Variants in CUL9 observed in about 807,000 individuals in gnomAD.
The protein encoded by CUL9 is cullin-9.
Under a neutral mutation model 272.6 loss-of-function variants are expected in CUL9, and 79 were observed. The observed-to-expected ratio is 0.29, with a 90% confidence interval of 0.24 to 0.35. The LOEUF is 0.35. CUL9 is among the 10% of genes least tolerant of loss of function. The pLI, the probability that CUL9 is intolerant of heterozygous loss-of-function variation, is 1.00. For missense variants in CUL9, 2,532 were observed against 3,255.6 expected (o/e 0.78, Z 5.41); for synonymous variants, 1,186 against 1,286.5 (o/e 0.92, Z 1.67).
rs765439297 is a variant in CUL9, at chr6:43,213,440, G to A, written c.5361G>A (p.Glu1787=). The A allele has an allele frequency of 2.2e-5, 36 of 1,614,014 alleles. No individual in the cohort carries two copies. The Admixed American group carries it at 4.5e-4, about 20-fold the overall frequency. Residue 1787 remains glutamate (E), a splice_region_variant and synonymous_variant, in exon 28 of 41, where the codon GAG becomes GAA. Transcript: ENST00000252050. The surrounding 1 kb of genome is among the most constrained non-coding windows in gnomAD (Gnocchi z 5.7). ...GACTGGGCGTTTCTGCTCATCAGGA[G>A]GTGTCAGTAGAGACCTTGCTGAAGG... ...WLLLKFNQTE[E]VSVETLLKDS...
intron 30 of CUL9, among the ~76,000 whole-genome samples, chr6:43,215,740 A>G (rs1239986065): frequency 3.9e-5 from 6 of 152,170 alleles, no homozygotes; most frequent in Admixed American, 3.9e-4. Flanking sequence ...AAACCTCAAC[A>G]TGGCGCCAGT....
Position 43,199,151 on chromosome 6 carries a change from G to A in CUL9, c.3051-115G>A. On this transcript the variant is annotated intron_variant, in intron 12 of 40. Coordinates refer to ENST00000252050, the MANE Select transcript of CUL9 (RefSeq NM_015089.4). This position sits in a 1 kb window ranked among gnomAD's most constrained non-coding sequence, Gnocchi z 4.4. Reference sequence around the variant, plus strand: ...GGGTTTCTCCATTTTGGTCAGGCTGGTCTCGAACTCCCGACCTCAGGTGAT... The same window carrying A: ...GGGTTTCTCCATTTTGGTCAGGCTGATCTCGAACTCCCGACCTCAGGTGAT... The A allele has an allele frequency of 3.4e-6, 3 of 894,492 alleles. No individual in the cohort carries two copies. The highest frequency in any genetic ancestry group is 2.9e-5 in the South Asian group (2 of 68,262). The allele number at this position is 894,492 out of a possible 1,614,324, so 55.4% of individuals were successfully genotyped here.
Position 43,206,372 on chromosome 6 carries a change from A to G in CUL9, c.5074A>G (p.Ser1692Gly), listed in dbSNP as rs777829941. The G allele has an allele frequency of 6.2e-7, 1 of 1,614,232 alleles. No homozygotes were observed. The highest frequency in any genetic ancestry group is 8.5e-7 in the Non-Finnish European group (1 of 1,180,036). Residue 1692 changes from serine (S) to glycine (G), a missense_variant, in exon 26 of 41, where the codon AGT becomes GGT. Ser to Gly is a moderately conservative substitution (Grantham distance 56). This residue lies in a region of CUL9 where 2,218 missense variants were observed against 2,788.6 expected (regional missense o/e 0.80). Coordinates refer to ENST00000252050, the MANE Select transcript of CUL9 (RefSeq NM_015089.4). This position sits in a 1 kb window ranked among gnomAD's most constrained non-coding sequence, Gnocchi z 4.8. ...AEKELFIEDP[S>G]PAISILVLSP... is the part of the protein sequence containing the mutation. ...GAAAGAATTATTTATCGAAGATCCA[A>G]GTCCAGCCATTTCTATACTGGTCCT... is the stretch of plus-strand genomic sequence containing the variant.
chr6:43,186,181 A>G lies in CUL9; in HGVS notation c.977A>G (p.Gln326Arg). 1.2e-6 allele frequency: 2 copies of G among 1,614,216 alleles called. No homozygotes were observed. Among genetic ancestry groups the G allele is most frequent in the Non-Finnish European group, 1.7e-6 (2 of 1,180,036 alleles). Residue 326 changes from glutamine (Q) to arginine (R), a missense_variant, in exon 4 of 41, where the codon CAG (glutamine) becomes CGG (arginine). By Grantham distance (43) the Gln-to-Arg change is conservative. Coordinates refer to ENST00000252050, the MANE Select transcript of CUL9 (RefSeq NM_015089.4). Reference protein sequence around the residue: ...SMGWARNLSEQGMSPPRPTRS... With the variant: ...SMGWARNLSERGMSPPRPTRS... ...GGCTGGGCCCGGAACCTCAGCGAACAGGGCATGTCACCTCCCCGGCCAACC... is the reference window on the plus strand; with the variant it reads ...GGCTGGGCCCGGAACCTCAGCGAACGGGGCATGTCACCTCCCCGGCCAACC...
intron 30 of CUL9, 137 bp downstream of exon 30, chr6:43,215,463 G>A: frequency 7.5e-7 from 1 of 1,328,866 alleles, no homozygotes; most frequent in Non-Finnish European, 1.0e-6. Flanking sequence ...CCCTGACTTT[G>A]GTAGTTTTTA....
In CUL9 at chr6:43,224,370, T is replaced by C. The variant is rs1200098067; in HGVS notation, c.7479T>C (p.Asp2493=). 24 of 1,614,080 alleles carry C rather than the reference T, an allele frequency of 1.5e-5. No homozygotes were observed. Among genetic ancestry groups the C allele is most frequent in the Non-Finnish European group, 1.9e-5 (22 of 1,180,040 alleles). ...EELDNDSFSY[D]ESENLDQETF... is the part of the protein sequence containing the mutation. ...TGGACAATGACAGCTTCTCCTACGATGAGTCTGAGAACCTGGACCAAGAGA... is the reference window on the plus strand; with the variant it reads ...TGGACAATGACAGCTTCTCCTACGACGAGTCTGAGAACCTGGACCAAGAGA... Residue 2493 remains aspartate, a synonymous_variant, in exon 41 of 41, where the codon GAT becomes GAC. Coordinates refer to ENST00000252050, the MANE Select transcript of CUL9 (RefSeq NM_015089.4). This position sits in a 1 kb window ranked among gnomAD's most constrained non-coding sequence, Gnocchi z 4.2.
In CUL9 at chr6:43,199,170, A is replaced by T. The variant is rs923192489; in HGVS notation, c.3051-96A>T. 7 of 1,022,650 alleles carry T rather than the reference A, an allele frequency of 6.8e-6. No individual in the cohort carries two copies. The highest frequency in any genetic ancestry group is 3.2e-5 in the African/African-American group (2 of 63,462). The allele number at this position is 1,022,650 out of a possible 1,614,324, so 63.3% of individuals were successfully genotyped here. A position where few individuals can be genotyped will look rare whatever the true frequency, so the allele number is the denominator to read the frequency against. ...AGGCTGGTCTCGAACTCCCGACCTC[A>T]GGTGATCCGCCCACTTCGGCCTCCC... is the stretch of plus-strand genomic sequence containing the variant. On this transcript the variant is annotated intron_variant, in intron 12 of 40. Coordinates refer to ENST00000252050, the MANE Select transcript of CUL9 (RefSeq NM_015089.4). This position sits in a 1 kb window ranked among gnomAD's most constrained non-coding sequence, Gnocchi z 4.4.
At chr6:43,197,245 C>T (rs915035339) in intron 11 of CUL9, among the ~76,000 whole-genome samples, 1 of 152,038 alleles carries the variant, frequency 6.6e-6, no homozygotes, top group South Asian at 2.1e-4. Context: ...CAGGGTTTCA[C>T]CATGTTGGCC....
chr6:43,214,163 T>C (rs1775746139), intron 29 of CUL9, among the ~76,000 whole-genome samples: 2 of 152,252 alleles, frequency 1.3e-5, no homozygotes, highest in Admixed American at 1.3e-4. Flanking sequence ...CTCATATCTG[T>C]GATCCTAGCA....
At chr6:43,192,770 A>C (rs551019469) in intron 8 of CUL9, among the ~76,000 whole-genome samples, 1 of 152,234 alleles carries the variant, frequency 6.6e-6, no homozygotes, top group African/African-American at 2.4e-5. Context: ...CAGAGTTTAT[A>C]AACATTTTTT....
At chr6:43,183,877 T>C (rs1048375306) in intron 1 of CUL9, among the ~76,000 whole-genome samples, 3 of 152,064 alleles carry the variant, frequency 2.0e-5, no homozygotes, top group East Asian at 1.9e-4. Flanking sequence ...CTCAGCCTCC[T>C]GAGTAGCTGG....
chr6:43,184,709 T>C lies in CUL9; in HGVS notation c.399T>C (p.Ser133=), dbSNP rs1772752992. The C allele has an allele frequency of 6.2e-7, 1 of 1,613,926 alleles. No individual in the cohort carries two copies. Among genetic ancestry groups the C allele is most frequent in the South Asian group, 1.1e-5 (1 of 91,084 alleles). Residue 133 remains serine, a synonymous_variant, in exon 2 of 41, where the codon AGT becomes AGC. Coordinates refer to ENST00000252050, the MANE Select transcript of CUL9 (RefSeq NM_015089.4). This position sits in a 1 kb window ranked among gnomAD's most constrained non-coding sequence, Gnocchi z 4.8. The part of the protein sequence containing the change: ...VRRAARQLAE[S]GTPSLTAAVL... ...GGGCGGCCAGGCAGCTGGCAGAAAG[T>C]GGGACCCCAAGCCTCACGGCCGCTG...
chr6:43,184,857 C>T lies in CUL9; in HGVS notation c.547C>T (p.Arg183Cys), dbSNP rs975340330. 20 of 1,604,896 alleles carry T rather than the reference C, an allele frequency of 1.2e-5. No homozygotes were observed. Among genetic ancestry groups the T allele is most frequent in the African/African-American group, 2.7e-5 (2 of 74,868 alleles). The change falls in exon 2 of 41, where the codon CGC (arginine) becomes TGC (cysteine). Residue 183 changes from arginine to cysteine, a missense_variant. Around this residue, in one of 3 missense-constraint regions of CUL9, gnomAD observed 2,218 missense variants for 2,788.6 expected, o/e 0.80. Transcript: ENST00000252050. This position sits in a 1 kb window ranked among gnomAD's most constrained non-coding sequence, Gnocchi z 4.8. ...GTTATGCAATCCTGAGCCTCAGATC[C>T]GCCGGAGTGCAGGCAAAATGCTGCA... ...HMLCNPEPQI[R>C]RSAGKMLQAL...
Position 43,223,093 on chromosome 6 carries a change from T to G in CUL9, c.7151-171T>G. 1 of 1,025,934 alleles carries G rather than the reference T, an allele frequency of 9.7e-7. No individual in the cohort carries two copies. Among genetic ancestry groups the G allele is most frequent in the Non-Finnish European group, 1.4e-6 (1 of 710,886 alleles). 63.6% of individuals were successfully genotyped at this position (1,025,934 alleles called of 1,614,324 possible). ...ATTGTAAGGTGCCCAAGGGCGCAGA[T>G]GTTCGTGGATGTTTCTTGGTTTCTG... On this transcript the variant is annotated intron_variant, in intron 38 of 40. Coordinates refer to ENST00000252050, the MANE Select transcript of CUL9 (RefSeq NM_015089.4). This position sits in a 1 kb window ranked among gnomAD's most constrained non-coding sequence, Gnocchi z 4.1.
In CUL9 at chr6:43,224,474, AG is replaced by A. The variant is rs745483880; in HGVS notation, c.*30del. The A allele has an allele frequency of 2.5e-5, 40 of 1,595,576 alleles. No homozygotes were observed. Among genetic ancestry groups the A allele is most frequent in the Admixed American group, 5.1e-5 (3 of 58,364 alleles). On this transcript the variant is annotated 3_prime_UTR_variant, in exon 41 of 41. Coordinates refer to ENST00000252050, the MANE Select transcript of CUL9 (RefSeq NM_015089.4). This position sits in a 1 kb window ranked among gnomAD's most constrained non-coding sequence, Gnocchi z 4.2. The stretch of plus-strand genomic sequence containing the variant: ...GGCAGATGCAGGAAACACCTAGAGC[AG>A]CCCCAGAGTCACGGGGCTGAGGGGG...
At position 43,221,856 on chromosome 6, in the gene CUL9, C is replaced by A; in HGVS notation, c.6846+78C>A. The stretch of plus-strand genomic sequence containing the variant: ...GTGCTGCTACCAGGTCCTGGGCAGA[C>A]AGGGCTCCTTGTGCAGTGCAGCATT... On this transcript the variant is annotated intron_variant, in intron 35 of 40. Transcript: ENST00000252050. This position sits in a 1 kb window ranked among gnomAD's most constrained non-coding sequence, Gnocchi z 4.2. The A allele has an allele frequency of 7.8e-7, 1 of 1,281,122 alleles. No homozygotes were observed. The allele number at this position is 1,281,122 out of a possible 1,614,324, so 79.4% of individuals were successfully genotyped here. A position where few individuals can be genotyped will look rare whatever the true frequency, so the allele number is the denominator to read the frequency against.
intron 9 of CUL9, among the ~76,000 whole-genome samples, chr6:43,194,371 T>C (rs1773809052): frequency 6.6e-6 from 1 of 151,918 alleles, no homozygotes; most frequent in South Asian, 2.1e-4. Flanking sequence ...CAGGCTGGAG[T>C]GCAGTGGCTC....
chr6:43,203,574 T>G lies in CUL9; in HGVS notation c.4007T>G (p.Leu1336Arg), dbSNP rs1417164128. 1.2e-6 allele frequency: 2 copies of G among 1,613,146 alleles called. No homozygotes were observed. The highest frequency in any genetic ancestry group is 1.7e-6 in the Non-Finnish European group (2 of 1,179,952). ...GACATAGCAGAGGACCACCGGCGCC[T>G]CCTCCAGCTCTGTCCCAGGTGGGTG... is the stretch of plus-strand genomic sequence containing the variant. Reference protein sequence around the residue: ...SRDIAEDHRRLLQLCPRLNRV... With the variant: ...SRDIAEDHRRRLQLCPRLNRV... Residue 1336 changes from leucine to arginine, a missense_variant, in exon 19 of 41, where the codon CTC becomes CGC. Coordinates refer to ENST00000252050, the MANE Select transcript of CUL9 (RefSeq NM_015089.4). The surrounding 1 kb of genome is among the most constrained non-coding windows in gnomAD (Gnocchi z 5.0).
intron 8 of CUL9, among the ~76,000 whole-genome samples, chr6:43,189,227 G>A (rs1225904019): frequency 2.7e-5 from 4 of 147,020 alleles, no homozygotes; most frequent in Non-Finnish European, 5.9e-5. Flanking sequence ...GTCTTGCTAT[G>A]TCGTCATGCT....
Sources: gnomAD v4.1 joint callset for allele counts (sites outside exome capture counted in the v4.1 genomes callset) on GRCh38, gnomAD v4.1.1 for gene constraint, gnomAD v4.1.1 regional missense constraint, Gnocchi (gnomAD v3.1) non-coding constraint, MANE v1.5 for transcripts, NCBI Gene and HGNC (gene_info 2026-07-23, HGNC 2026-07-21) for gene names.